TENT5D: variants seen among roughly 807,000 people sequenced by gnomAD.
TENT5D encodes the protein cancer/testis antigen 112.
For missense variants in TENT5D, 191 were observed against 287.0 expected, an observed-to-expected ratio of 0.67 and a Z score of 2.42; for synonymous variants, 103 against 100.6, an observed-to-expected ratio of 1.02 and a Z score of -0.15.
intron 3 of TENT5D, among the ~76,000 whole-genome samples, chrX:80,358,231 A>G (rs1022220300): frequency 9.0e-6 from 1 of 111,265 alleles, no homozygotes; most frequent in Non-Finnish European, 1.9e-5. Context: ...AACCTAGGCA[A>G]TACCATTCAG....
At chrX:80,370,665 ATATC>A (rs1930607155) in intron 3 of TENT5D, among the ~76,000 whole-genome samples, 1 of 112,069 alleles carries the variant, frequency 8.9e-6, no homozygotes, top group Non-Finnish European at 1.9e-5. Flanking sequence ...GTTTCAGTAA[ATATC>A]TGTGCATAAA....
intron 3 of TENT5D, among the ~76,000 whole-genome samples, chrX:80,358,865 G>A (rs1930344751): frequency 8.9e-6 from 1 of 111,857 alleles, no homozygotes; most frequent in Non-Finnish European, 1.9e-5. Flanking sequence ...AGAAAATAGT[G>A]TTGACTAGAA....
rs749813525 is a variant in TENT5D, at chrX:80,380,717, CTTCT to C, written c.-142+38156_-142+38159del. On this transcript the variant is annotated intron_variant, in intron 3 of 4. Coordinates refer to the TENT5D transcript ENST00000538312. Reference sequence around the variant, plus strand: ...GATCCCTTTACCATTATGTAATGGCCTTCTTTGTCTGTTTTGATCTTTGTTGGTT... The same window carrying C: ...GATCCCTTTACCATTATGTAATGGCCTTGTCTGTTTTGATCTTTGTTGGTT... 7.2e-5 allele frequency among the ~76,000 whole-genome samples: 8 copies of C among 111,366 alleles called. 1 individual carries two copies. The Admixed American group carries it at 7.7e-4, about 11-fold the overall frequency.
At chrX:80,384,902 C>T (rs921652953) in intron 3 of TENT5D, among the ~76,000 whole-genome samples, 5 of 110,636 alleles carry the variant, frequency 4.5e-5, no homozygotes, top group Non-Finnish European at 3.8e-5. Flanking sequence ...CTACAAACCA[C>T]TGCTCAATGA....
At chrX:80,422,234 G>C (rs892770061) in intron 1 of TENT5D, among the ~76,000 whole-genome samples, 4 of 110,911 alleles carry the variant, frequency 3.6e-5, no homozygotes, top group East Asian at 2.8e-4. Flanking sequence ...CAGCACTTTG[G>C]GGGGCTGAGG....
At chrX:80,407,293 G>T (rs1931522024) in intron 3 of TENT5D, among the ~76,000 whole-genome samples, 1 of 110,938 alleles carries the variant, frequency 9.0e-6, no homozygotes, top group African/African-American at 3.3e-5. Flanking sequence ...CCAATTAAAA[G>T]ACACAGACTG....
chrX:80,409,973 C>T, intron 3 of TENT5D, among the ~76,000 whole-genome samples: 1 of 109,804 alleles, frequency 9.1e-6, no homozygotes, highest in Non-Finnish European at 1.9e-5. Flanking sequence ...CTTTGACAAA[C>T]CTGAGAAAAG....
chrX:80,390,628 A>C (rs982371802), intron 3 of TENT5D, among the ~76,000 whole-genome samples: 17 of 111,718 alleles, frequency 1.5e-4, no homozygotes, highest in Non-Finnish European at 2.8e-4. Flanking sequence ...ATCTAATGGG[A>C]ACATAGGACT....
chrX:80,419,526 ATATCTACCTATTTGCC>A (rs1278766535), upstream of TENT5D, among the ~76,000 whole-genome samples: 1 of 112,057 alleles, frequency 8.9e-6, no homozygotes, highest in Non-Finnish European at 1.9e-5. Context: ...TTTTCTTCCT[ATATCTACCTATTTGCC>A]TATCTTTGTA....
chrX:80,433,635 A>G (rs73223488), intron 1 of TENT5D, among the ~76,000 whole-genome samples: 13,546 of 110,997 alleles, frequency 0.12, 916 homozygotes, highest in East Asian at 0.48. Flanking sequence ...CTTGTATGCT[A>G]TTTTCTCTTC....
At chrX:80,435,473 T>G (rs1453862026) in intron 1 of TENT5D, among the ~76,000 whole-genome samples, 2 of 112,474 alleles carry the variant, frequency 1.8e-5, no homozygotes, top group African/African-American at 6.4e-5. Flanking sequence ...TTTCATCCTT[T>G]GCCAGATTTT....
intron 3 of TENT5D, among the ~76,000 whole-genome samples, chrX:80,387,592 G>A (rs775618301): frequency 1.6e-3 from 178 of 111,547 alleles, no homozygotes; most frequent in African/African-American, 5.1e-3. Flanking sequence ...TACTTTCCCC[G>A]AAACAAAGTC....
rs1005092267 is a variant in TENT5D, at chrX:80,350,570, A to G, written c.-142+8006A>G. On this transcript the variant is annotated intron_variant, in intron 3 of 4. Coordinates refer to the TENT5D transcript ENST00000538312. ...TGCACGTGAGATGGGTCTCCTGAAT[A>G]TAGCACACCGATGGGTCTTGTCTCT... Among the ~76,000 whole-genome samples the G allele has an allele frequency of 2.7e-5, 3 of 111,182 alleles. No individual in the cohort carries two copies. The Admixed American group carries it at 2.9e-4, about 11-fold the overall frequency.
At chrX:80,372,886 CAAAA>C (rs59485814) in intron 3 of TENT5D, among the ~76,000 whole-genome samples, 71 of 68,681 alleles carry the variant, frequency 1.0e-3, no homozygotes, top group Non-Finnish European at 1.3e-3. Context: ...GACTCTATCT[CAAAA>C]AAAAAAAAAA....
chrX:80,413,099 G>A (rs938357732), intron 3 of TENT5D, among the ~76,000 whole-genome samples: 1 of 111,653 alleles, frequency 9.0e-6, no homozygotes, highest in Non-Finnish European at 1.9e-5. Context: ...ACATCTAGCA[G>A]AGATAAATAA....
intron 3 of TENT5D, among the ~76,000 whole-genome samples, chrX:80,351,924 G>T (rs986197421): frequency 3.6e-5 from 4 of 112,200 alleles, no homozygotes; most frequent in Non-Finnish European, 7.5e-5. Context: ...CTCTGCTGCA[G>T]TTTGCTGGAG....
chrX:80,407,530 C>T (rs1489474698), intron 3 of TENT5D, among the ~76,000 whole-genome samples: 4 of 108,094 alleles, frequency 3.7e-5, no homozygotes, highest in Non-Finnish European at 7.7e-5. Context: ...GTAAAGGGAT[C>T]AATTCAACAA....
intron 3 of TENT5D, among the ~76,000 whole-genome samples, chrX:80,345,941 T>A (rs939690649): frequency 1.8e-5 from 2 of 112,043 alleles, no homozygotes; most frequent in African/African-American, 6.5e-5. Context: ...CTTCCTTGCC[T>A]TTTTACGTCC....
intron 1 of TENT5D, among the ~76,000 whole-genome samples, chrX:80,422,651 G>A (rs906876815): frequency 2.7e-5 from 3 of 111,004 alleles, no homozygotes; most frequent in Admixed American, 1.9e-4. Context: ...GAGAGGGTGC[G>A]GTGAGTAGAC....
Sources: allele counts gnomAD v4.1 joint callset (sites outside exome capture counted in the v4.1 genomes callset), GRCh38; gene constraint gnomAD v4.1.1; transcripts MANE v1.5; gene names NCBI Gene and HGNC (gene_info 2026-07-23, HGNC 2026-07-21).